Variants in ACTR3C observed in about 807,000 individuals in gnomAD.
ACTR3C encodes actin related protein 3C, also known as actin-related protein 3C.
In ACTR3C, 18 loss-of-function variants were observed where a neutral mutation model predicts 26.3. The observed-to-expected ratio is 0.68, with a 90% CI of 0.47 to 1.01. ACTR3C has a LOEUF of 1.01. ACTR3C is among the 50% of genes least tolerant of loss of function. ACTR3C has a pLI of 0.00. For missense variants in ACTR3C, 184 were observed against 250.7 expected, an observed-to-expected ratio of 0.73 and a Z score of 1.80; for synonymous variants, 55 against 94.5, an observed-to-expected ratio of 0.58 and a Z score of 2.42.
At chr7:150,062,745 GAT>G in the ACTR3C span, among the ~76,000 whole-genome samples, 1 of 141,012 alleles carries the variant, frequency 7.1e-6, no homozygotes, top group African/African-American at 2.7e-5. Context: ...AAGACATCTA[GAT>G]ATATGTGTTA....
the ACTR3C span, among the ~76,000 whole-genome samples, chr7:150,140,513 G>T: frequency 6.6e-6 from 1 of 152,036 alleles, no homozygotes; most frequent in African/African-American, 2.4e-5. Flanking sequence ...CCTCACTGTT[G>T]TCTTATTTTA....
the ACTR3C span, among the ~76,000 whole-genome samples, chr7:150,196,264 T>C: frequency 0.026 from 3,917 of 152,354 alleles, 156 homozygotes; most frequent in African/African-American, 0.09. Context: ...CATTTTACAT[T>C]GTACCATAAC....
At chr7:150,025,250 A>G in the ACTR3C span, among the ~76,000 whole-genome samples, 1 of 151,580 alleles carries the variant, frequency 6.6e-6, no homozygotes, top group Non-Finnish European at 1.5e-5. Context: ...GCACTTTTGC[A>G]ATGCCAGGAA....
chr7:150,077,051 G>A, the ACTR3C span, among the ~76,000 whole-genome samples: 1 of 152,050 alleles, frequency 6.6e-6, no homozygotes, highest in Non-Finnish European at 1.5e-5. Context: ...TGTAATTCCA[G>A]CTACTTGGGA....
chr7:149,942,396 G>A, the ACTR3C span, among the ~76,000 whole-genome samples: 1 of 151,988 alleles, frequency 6.6e-6, no homozygotes, highest in Admixed American at 6.5e-5. Context: ...TCAAATGGGA[G>A]TAAATTGGTG....
At chr7:150,166,788 CA>C in the ACTR3C span, among the ~76,000 whole-genome samples, 298 of 150,526 alleles carry the variant, frequency 2.0e-3, 23 homozygotes, top group African/African-American at 7.2e-3. Context: ...ACCCATTAAG[CA>C]ACCTCTCTTC....
chr7:149,917,079 T>A, the ACTR3C span, among the ~76,000 whole-genome samples: 41 of 3,150 alleles, frequency 0.013, no homozygotes, highest in Non-Finnish European at 0.1. Context: ...CCCAAATATT[T>A]TTTTTTTTTT....
chr7:150,178,006 G>C, the ACTR3C span, among the ~76,000 whole-genome samples: 1 of 150,710 alleles, frequency 6.6e-6, no homozygotes. Context: ...TTGGATCTAA[G>C]ATAACATTGA....
the ACTR3C span, among the ~76,000 whole-genome samples, chr7:149,902,238 C>T: frequency 6.6e-6 from 1 of 151,430 alleles, no homozygotes; most frequent in African/African-American, 2.4e-5. Flanking sequence ...TAAACAATTC[C>T]TATCTTATGC....
At chr7:150,104,999 A>T in the ACTR3C span, among the ~76,000 whole-genome samples, 4 of 151,538 alleles carry the variant, frequency 2.6e-5, no homozygotes, top group African/African-American at 9.7e-5. Context: ...AGAGAAGCTA[A>T]TTTTTTTTCT....
At chr7:149,911,691 G>A in the ACTR3C span, among the ~76,000 whole-genome samples, 1 of 150,770 alleles carries the variant, frequency 6.6e-6, no homozygotes, top group African/African-American at 2.4e-5. Flanking sequence ...ACACTGAAAC[G>A]AATATGGTAA....
the ACTR3C span, among the ~76,000 whole-genome samples, chr7:150,077,956 A>C: frequency 6.1e-3 from 924 of 152,318 alleles, 10 homozygotes; most frequent in African/African-American, 0.021. Flanking sequence ...CTGGACGTGC[A>C]ATTCAGCTGC....
the ACTR3C span, among the ~76,000 whole-genome samples, chr7:150,138,075 G>A: frequency 6.6e-6 from 1 of 152,130 alleles, no homozygotes; most frequent in Non-Finnish European, 1.5e-5. Context: ...GGGTCTCTGT[G>A]GGCTTCATCT....
intron 6 of ACTR3C, among the ~76,000 whole-genome samples, chr7:150,254,915 C>T (rs1369527541): frequency 6.6e-6 from 1 of 152,074 alleles, no homozygotes; most frequent in East Asian, 1.9e-4. Flanking sequence ...CTGTCTTCCT[C>T]GAATATGGCA....
the ACTR3C span, among the ~76,000 whole-genome samples, chr7:150,033,734 G>C: frequency 6.6e-6 from 1 of 151,056 alleles, no homozygotes; most frequent in Non-Finnish European, 1.5e-5. Context: ...AGAGGGGATA[G>C]CTCTCAGTCC....
the ACTR3C span, among the ~76,000 whole-genome samples, chr7:150,041,068 T>C: frequency 2.0e-5 from 3 of 150,188 alleles, no homozygotes; most frequent in African/African-American, 2.5e-5. Flanking sequence ...GCTGCCATCT[T>C]TTCTCTCTCT....
At chr7:150,036,525 TG>T in the ACTR3C span, among the ~76,000 whole-genome samples, 1 of 145,478 alleles carries the variant, frequency 6.9e-6, no homozygotes, top group Non-Finnish European at 1.6e-5. Context: ...TTGCTGTTGT[TG>T]GGATCCCCAT....
At chr7:150,037,551 G>C in the ACTR3C span, among the ~76,000 whole-genome samples, 824 of 17,978 alleles carry the variant, frequency 0.046, 55 homozygotes, top group African/African-American at 0.083. Flanking sequence ...CCTCCCCCTC[G>C]TGCGATGGGG....
the ACTR3C span, among the ~76,000 whole-genome samples, chr7:150,152,094 A>T: frequency 6.6e-6 from 1 of 151,782 alleles, no homozygotes; most frequent in South Asian, 2.1e-4. Flanking sequence ...AACAGGGACA[A>T]TTTGACTTCC....
Sources: allele counts gnomAD v4.1 joint callset (sites outside exome capture counted in the v4.1 genomes callset), GRCh38; gene constraint gnomAD v4.1.1; transcripts MANE v1.5; gene names NCBI Gene and HGNC (gene_info 2026-07-23, HGNC 2026-07-21).